AFF3: variants seen among roughly 807,000 people sequenced by gnomAD.
The protein encoded by AFF3 is AF4/FMR2 family member 3.
A neutral mutation model predicts 129.7 loss-of-function variants in AFF3; 32 were observed. That is an observed-to-expected ratio of 0.25 (90% CI 0.19 to 0.33). AFF3 has a LOEUF of 0.33. AFF3 is among the 10% of genes least tolerant of loss of function. The probability of loss-of-function intolerance (pLI) is 1.00; values close to 1 mark genes in which losing one functional copy is unlikely to be tolerated. For missense variants in AFF3, 1,373 were observed against 1,592.0 expected (o/e 0.86, Z 2.34); for synonymous variants, 644 against 635.4 (o/e 1.01, Z -0.20).
At chr2:100,128,295 G>A (rs1404563797) in intron 2 of AFF3, among the ~76,000 whole-genome samples, 2 of 152,062 alleles carry the variant, frequency 1.3e-5, no homozygotes, top group African/African-American at 2.4e-5. Context: ...TTTCTTGCGT[G>A]AGATCCAAGA....
intron 11 of AFF3, among the ~76,000 whole-genome samples, chr2:99,677,594 C>T (rs926486934): frequency 6.6e-6 from 1 of 152,204 alleles, no homozygotes; most frequent in African/African-American, 2.4e-5. Flanking sequence ...CAGCTGCACT[C>T]GCTCACGCTT....
intron 2 of AFF3, among the ~76,000 whole-genome samples, chr2:100,128,806 A>G (rs1692305825): frequency 6.6e-6 from 1 of 152,224 alleles, no homozygotes. Context: ...GAAGTAGTTA[A>G]AGAGTTGTTG....
At position 99,547,495 on chromosome 2, in the gene AFF3, CTT is replaced by C. The variant is rs34122848; in HGVS notation, c.*3977_*3978del. On this transcript the variant is annotated 3_prime_UTR_variant, in exon 25 of 25. Coordinates refer to ENST00000672756, the MANE Select transcript of AFF3 (RefSeq NM_001386135.1). The stretch of plus-strand genomic sequence containing the variant: ...TGTCTACATTGTTAAAAAAATCTTG[CTT>C]TTTTTTTTTTTTGGTGATGCAGATT... 0.013 allele frequency: 2,322 copies of C among 181,452 alleles called. No individual in the cohort carries two copies. The highest frequency in any genetic ancestry group is 0.026 in the Middle Eastern group (13 of 504). 11.2% of individuals were successfully genotyped at this position (181,452 alleles called of 1,614,324 possible). A position where few individuals can be genotyped will look rare whatever the true frequency, so the allele number is the denominator to read the frequency against.
intron 4 of AFF3, among the ~76,000 whole-genome samples, chr2:100,079,221 C>A (rs181308493): frequency 6.2e-4 from 94 of 152,288 alleles, no homozygotes; most frequent in Non-Finnish European, 1.2e-3. Flanking sequence ...GCTGGGATTA[C>A]AGGCATGAGC....
intron 7 of AFF3, among the ~76,000 whole-genome samples, chr2:99,874,420 C>G (rs1456753942): frequency 6.6e-6 from 1 of 152,128 alleles, no homozygotes; most frequent in African/African-American, 2.4e-5. Flanking sequence ...TGTCAGTTCT[C>G]TTTGGTTCAA....
At chr2:99,851,407 T>C (rs941069408) in intron 7 of AFF3, among the ~76,000 whole-genome samples, 4 of 152,350 alleles carry the variant, frequency 2.6e-5, no homozygotes, top group African/African-American at 9.6e-5. Flanking sequence ...ATTAAAAATA[T>C]ATTGTGTATT....
intron 11 of AFF3, among the ~76,000 whole-genome samples, chr2:99,685,960 G>A (rs1315527039): frequency 2.6e-5 from 4 of 152,018 alleles, no homozygotes; most frequent in Non-Finnish European, 4.4e-5. Flanking sequence ...AGGCGGAGGC[G>A]GGCGGATCAT....
At chr2:99,581,940 C>T (rs1240116690) in intron 17 of AFF3, among the ~76,000 whole-genome samples, 5 of 151,028 alleles carry the variant, frequency 3.3e-5, no homozygotes, top group African/African-American at 4.9e-5. Context: ...CTGCAACCTC[C>T]ACCTCCCAGG....
chr2:100,133,448 T>C (rs991243851), intron 1 of AFF3, among the ~76,000 whole-genome samples: 1 of 152,110 alleles, frequency 6.6e-6, no homozygotes, highest in Non-Finnish European at 1.5e-5. Flanking sequence ...TTTTTTTTCT[T>C]TTAGAGGCAG....
chr2:99,872,536 A>C (rs1426120759), intron 7 of AFF3, among the ~76,000 whole-genome samples: 1 of 151,856 alleles, frequency 6.6e-6, no homozygotes, highest in Non-Finnish European at 1.5e-5. Context: ...TTCAGAAAAG[A>C]AATACCTCTT....
At chr2:99,564,290 C>T (rs2104612644) in intron 20 of AFF3, among the ~76,000 whole-genome samples, 1 of 152,212 alleles carries the variant, frequency 6.6e-6, no homozygotes, top group South Asian at 2.1e-4. Context: ...CAGTTTCTCC[C>T]ACTTTCCTCC....
intron 13 of AFF3, among the ~76,000 whole-genome samples, chr2:99,645,762 T>C (rs569070867): frequency 6.6e-6 from 1 of 152,352 alleles, no homozygotes; most frequent in African/African-American, 2.4e-5. Context: ...ACAGTTTTAA[T>C]TTATCAAGAT....
At chr2:99,717,616 A>G (rs1678512601) in intron 11 of AFF3, among the ~76,000 whole-genome samples, 1 of 152,214 alleles carries the variant, frequency 6.6e-6, no homozygotes, top group African/African-American at 2.4e-5. Context: ...TTCTAGACAC[A>G]AATTATTTGT....
At chr2:99,788,587 A>G (rs973072390) in intron 8 of AFF3, among the ~76,000 whole-genome samples, 1 of 152,264 alleles carries the variant, frequency 6.6e-6, no homozygotes, top group East Asian at 1.9e-4. Context: ...CAAAAATTAC[A>G]CAACTTTAAA....
intron 4 of AFF3, among the ~76,000 whole-genome samples, chr2:100,048,988 G>T (rs1336649036): frequency 6.6e-6 from 1 of 151,946 alleles, no homozygotes; most frequent in Non-Finnish European, 1.5e-5. Flanking sequence ...TCATTTCTCT[G>T]GCTTCCAAAG....
chr2:99,747,975 C>T (rs761233730), intron 9 of AFF3, among the ~76,000 whole-genome samples: 14 of 152,174 alleles, frequency 9.2e-5, no homozygotes, highest in Middle Eastern at 3.4e-3. Context: ...GGGTCAGCTA[C>T]CTTACCAGGC....
At chr2:99,803,631 C>G (rs965601843) in intron 8 of AFF3, among the ~76,000 whole-genome samples, 5 of 152,058 alleles carry the variant, frequency 3.3e-5, no homozygotes, top group African/African-American at 1.2e-4. Flanking sequence ...CAAAGCAATC[C>G]TAAGCAAAAA....
At chr2:100,079,421 A>T (rs1188000084) in intron 4 of AFF3, among the ~76,000 whole-genome samples, 1 of 152,228 alleles carries the variant, frequency 6.6e-6, no homozygotes, top group East Asian at 1.9e-4. Flanking sequence ...ACTAGAAAAC[A>T]GATTTCAAGA....
intron 11 of AFF3, among the ~76,000 whole-genome samples, chr2:99,677,592 C>T (rs1188349320): frequency 2.6e-5 from 4 of 152,214 alleles, no homozygotes. Flanking sequence ...CCCAGCTGCA[C>T]TCGCTCACGC....
Sources: gnomAD v4.1 joint callset for allele counts (sites outside exome capture counted in the v4.1 genomes callset) on GRCh38, gnomAD v4.1.1 for gene constraint, MANE v1.5 for transcripts, NCBI Gene and HGNC (gene_info 2026-07-23, HGNC 2026-07-21) for gene names.